The following DDIAS variants were observed in gnomAD, a reference collection of about 807,000 sequenced individuals.
DDIAS encodes the protein DNA damage-induced apoptosis suppressor protein.
Under a neutral mutation model 15.7 loss-of-function variants are expected in DDIAS, and 14 were observed. The observed-to-expected ratio is 0.89, with a 90% CI of 0.59 to 1.39. The LOEUF (loss-of-function observed/expected upper bound fraction) is 1.39, where lower values mean the gene tolerates loss of function less well. DDIAS is among the 40% of genes most tolerant of loss of function. DDIAS has a pLI of 0.00. For synonymous variants in DDIAS, 355 were observed against 395.9 expected, an observed-to-expected ratio of 0.90 and a Z score of 1.23; for missense variants, 1,035 against 1,130.9, an observed-to-expected ratio of 0.92 and a Z score of 1.22.
intron 1 of DDIAS, among the ~76,000 whole-genome samples, chr11:82,912,135 A>G (rs1860539948): frequency 6.6e-6 from 1 of 152,174 alleles, no homozygotes; most frequent in Admixed American, 6.5e-5. Flanking sequence ...ATGGCAAATG[A>G]GCACTGGTGT....
At chr11:82,916,198 A>C (rs914528712) in intron 3 of DDIAS, among the ~76,000 whole-genome samples, 8 of 152,202 alleles carry the variant, frequency 5.3e-5, no homozygotes, top group Admixed American at 3.3e-4. Flanking sequence ...CATGGTACCC[A>C]CAATATGGGA....
At chr11:82,922,886 T>C (rs1364037123) in intron 3 of DDIAS, among the ~76,000 whole-genome samples, 2 of 152,164 alleles carry the variant, frequency 1.3e-5, no homozygotes, top group African/African-American at 4.8e-5. Flanking sequence ...GATGTTCCCT[T>C]GATGTGATAC....
Position 82,933,459 on chromosome 11 carries a change from T to C in DDIAS, c.2121T>C (p.Ser707=), listed in dbSNP as rs1861046527. The C allele has an allele frequency of 5.0e-6, 8 of 1,613,926 alleles. No individual in the cohort carries two copies. The highest frequency in any genetic ancestry group is 5.9e-6 in the Non-Finnish European group (7 of 1,179,974). Residue 707 remains serine (S), a synonymous_variant, in exon 6 of 6, where the codon TCT becomes TCC. Coordinates refer to ENST00000533655, the MANE Select transcript of DDIAS (RefSeq NM_145018.4). ...SQDILLKWGT[S]LAESHPSESD... is the part of the protein sequence containing the mutation. ...ATATTTTGTTAAAATGGGGAACATC[T>C]TTGGCAGAAAGTCACCCTTCAGAGT...
At chr11:82,910,279 CTTTTT>C (rs71063240) in intron 1 of DDIAS, among the ~76,000 whole-genome samples, 11 of 129,846 alleles carry the variant, frequency 8.5e-5, no homozygotes, top group Admixed American at 2.4e-4. Context: ...ACAAACCAAC[CTTTTT>C]TTTTTTTTTT....
At chr11:82,930,025 G>A (rs1399010130) in intron 4 of DDIAS, 132 bp from the exon 5 acceptor site, 4 of 563,002 alleles carry the variant, frequency 7.1e-6, no homozygotes, top group Non-Finnish European at 3.1e-6. Flanking sequence ...AAACTGCCTG[G>A]CTCTTAAAGT....
At chr11:82,917,520 CCA>C (rs1860656895) in intron 3 of DDIAS, among the ~76,000 whole-genome samples, 1 of 152,036 alleles carries the variant, frequency 6.6e-6, no homozygotes, top group South Asian at 2.1e-4. Flanking sequence ...TGTATATATA[CCA>C]CAGTTTCTTT....
At position 82,931,974 on chromosome 11, in the gene DDIAS, T is replaced by C; in HGVS notation, c.636T>C (p.Ser212=). The C allele has an allele frequency of 6.2e-7, 1 of 1,614,152 alleles. No homozygotes were observed. Among genetic ancestry groups the C allele is most frequent in the Non-Finnish European group, 8.5e-7 (1 of 1,179,982 alleles). Residue 212 remains serine (S), a synonymous_variant, in exon 6 of 6, where the codon AGT becomes AGC. Coordinates refer to ENST00000533655, the MANE Select transcript of DDIAS (RefSeq NM_145018.4). Reference sequence around the variant, plus strand: ...TACTTGCTTTAGATCACTCAAATAGTGATCTCAGCAGCATATATACTTCTG... The same window carrying C: ...TACTTGCTTTAGATCACTCAAATAGCGATCTCAGCAGCATATATACTTCTG... ...NHLLALDHSN[S]DLSSIYTSDS...
chr11:82,932,682 T>C lies in DDIAS; in HGVS notation c.1344T>C (p.Asp448=). The part of the protein sequence containing the change: ...ADVSSRKHHV[D]NDIDKFHADH... The stretch of plus-strand genomic sequence containing the variant: ...TCAGTAGTAGGAAACATCATGTAGA[T>C]AATGACATTGATAAATTTCATGCAG... Residue 448 remains aspartate, a synonymous_variant, in exon 6 of 6, where the codon GAT becomes GAC. Transcript: ENST00000533655. 6.2e-7 allele frequency: 1 copy of C among 1,614,090 alleles called. No individual in the cohort carries two copies. Among genetic ancestry groups the C allele is most frequent in the Non-Finnish European group, 8.5e-7 (1 of 1,180,040 alleles).
Position 82,931,875 on chromosome 11 carries a change from C to T in DDIAS, c.537C>T (p.Asp179=), listed in dbSNP as rs1216254732. ...DPGIAGFTVI[D]YFHQLLQTFN... ...GTATTGCAGGCTTTACTGTCATTGA[C>T]TACTTCCATCAACTTTTGCAGACTT... The change falls in exon 6 of 6, where the codon GAC becomes GAT. Residue 179 remains aspartate (D), a synonymous_variant. Coordinates refer to ENST00000533655, the MANE Select transcript of DDIAS (RefSeq NM_145018.4). 1 of 1,614,076 alleles carries T rather than the reference C, an allele frequency of 6.2e-7. No homozygotes were observed. The highest frequency in any genetic ancestry group is 2.2e-5 in the East Asian group (1 of 44,898).
At chr11:82,921,571 C>CTTTTTTT (rs968751055) in intron 3 of DDIAS, among the ~76,000 whole-genome samples, 92 of 78,108 alleles carry the variant, frequency 1.2e-3, no homozygotes, top group African/African-American at 1.5e-3. Flanking sequence ...TTCTTTCTTT[C>CTTTTTTT]TTTTTTTTTT....
At chr11:82,901,845 C>A (rs61902275) in intron 1 of DDIAS, 23 bp downstream of exon 1, 13 of 152,070 alleles carry the variant, frequency 8.5e-5, no homozygotes, top group Non-Finnish European at 1.9e-4. Flanking sequence ...AAGGGGTTCT[C>A]GGGAAGCCGA....
rs776112178 is a variant in DDIAS, at chr11:82,930,145, T to G, written c.276-12T>G. 4 of 1,470,190 alleles carry G rather than the reference T, an allele frequency of 2.7e-6. No homozygotes were observed. Among genetic ancestry groups the G allele is most frequent in the Non-Finnish European group, 2.8e-6 (3 of 1,076,364 alleles). 91.1% of individuals were successfully genotyped at this position (1,470,190 alleles called of 1,614,324 possible). A position where few individuals can be genotyped will look rare whatever the true frequency, so the allele number is the denominator to read the frequency against. On this transcript the variant is annotated splice_polypyrimidine_tract_variant and intron_variant, in intron 4 of 5. Coordinates refer to ENST00000533655, the MANE Select transcript of DDIAS (RefSeq NM_145018.4). Reference sequence around the variant, plus strand: ...TCATTGCTTCACATTTTTTACTTTTTTTCCAATCAAGGTACATTCAGGATC... The same window carrying G: ...TCATTGCTTCACATTTTTTACTTTTGTTCCAATCAAGGTACATTCAGGATC...
intron 4 of DDIAS, among the ~76,000 whole-genome samples, chr11:82,929,414 C>T (rs1005287130): frequency 6.6e-6 from 1 of 151,936 alleles, no homozygotes; most frequent in Non-Finnish European, 1.5e-5. Flanking sequence ...GCAATTAAAG[C>T]TTTTCTTGGC....
rs541845327 is a variant in DDIAS, at chr11:82,928,177, C to CTTTTTTTTTTT, written c.114-571_114-561dup. Among the ~76,000 whole-genome samples, 10 of 34,208 alleles carry CTTTTTTTTTTT rather than the reference C, an allele frequency of 2.9e-4. 2 individuals are homozygous for CTTTTTTTTTTT. Among genetic ancestry groups the CTTTTTTTTTTT allele is most frequent in the South Asian group, 1.4e-3 (1 of 708 alleles). 22.4% of individuals were successfully genotyped at this position (34,208 alleles called of 152,430 possible). A position where few individuals can be genotyped will look rare whatever the true frequency, so the allele number is the denominator to read the frequency against. On this transcript the variant is annotated intron_variant, in intron 3 of 5. Coordinates refer to ENST00000533655, the MANE Select transcript of DDIAS (RefSeq NM_145018.4). ...ATATTTTGAGATTATTTTTTGTCCTCTTTTTTTTTTTTTTTTTTTTTTTTT... is the reference window on the plus strand; with the variant it reads ...ATATTTTGAGATTATTTTTTGTCCTCTTTTTTTTTTTTTTTTTTTTTTTTTTTTTTTTTTTT...
At chr11:82,914,046 C>T (rs1158126144) in intron 2 of DDIAS, 4 of 372,812 alleles carry the variant, frequency 1.1e-5, no homozygotes, top group Non-Finnish European at 1.5e-5. Flanking sequence ...AAGCAATTCT[C>T]CTGCCGCAGC....
chr11:82,926,374 C>T (rs1402955753), intron 3 of DDIAS, among the ~76,000 whole-genome samples: 1 of 151,948 alleles, frequency 6.6e-6, no homozygotes, highest in Admixed American at 6.6e-5. Context: ...CAGGTGTGAG[C>T]CATCACGCCT....
intron 3 of DDIAS, among the ~76,000 whole-genome samples, chr11:82,924,379 T>G (rs760939209): frequency 4.6e-5 from 7 of 152,248 alleles, no homozygotes; most frequent in Non-Finnish European, 5.9e-5. Flanking sequence ...GAATATCGTG[T>G]TCATATCTGT....
At chr11:82,921,571 CTTTTTTTTTTTT>C in intron 3 of DDIAS, among the ~76,000 whole-genome samples, 1 of 78,122 alleles carries the variant, frequency 1.3e-5, no homozygotes, top group African/African-American at 5.5e-5. Flanking sequence ...TTCTTTCTTT[CTTTTTTTTTTTT>C]TTTTTTTTTT....
At chr11:82,915,305 T>C (rs952238925) in intron 3 of DDIAS, among the ~76,000 whole-genome samples, 1 of 152,236 alleles carries the variant, frequency 6.6e-6, no homozygotes, top group African/African-American at 2.4e-5. Context: ...TAATTCTTTA[T>C]CATGGTGCTC....
Sources: gnomAD v4.1 joint callset for allele counts (sites outside exome capture counted in the v4.1 genomes callset) on GRCh38, gnomAD v4.1.1 for gene constraint, MANE v1.5 for transcripts, NCBI Gene and HGNC (gene_info 2026-07-23, HGNC 2026-07-21) for gene names.